The following GAREM1 variants were observed in gnomAD, a reference collection of about 807,000 sequenced individuals.
GAREM1 encodes the protein GRB2 associated regulator of MAPK1 subtype 1.
In GAREM1, 26 loss-of-function variants were observed where a neutral mutation model predicts 71.3. The observed-to-expected ratio is 0.36, with a 90% CI of 0.27 to 0.51. The LOEUF is 0.51. Among genes scored for constraint, GAREM1 ranks in the 20% least tolerant of loss-of-function variants. The probability of loss-of-function intolerance (pLI) is 0.95; values close to 1 mark genes in which losing one functional copy is unlikely to be tolerated. For synonymous variants in GAREM1, 440 were observed against 433.2 expected, an observed-to-expected ratio of 1.02 and a Z score of -0.20; for missense variants, 1,026 against 1,103.1, an observed-to-expected ratio of 0.93 and a Z score of 0.99.
intron 3 of GAREM1, among the ~76,000 whole-genome samples, chr18:32,306,646 A>G (rs1741900797): frequency 6.6e-6 from 1 of 152,180 alleles, no homozygotes; most frequent in Non-Finnish European, 1.5e-5. Context: ...ATGAGCCCCA[A>G]CTAGATACTC....
chr18:32,444,840 A>C (rs1189187387), intron 1 of GAREM1, among the ~76,000 whole-genome samples: 1 of 152,198 alleles, frequency 6.6e-6, no homozygotes, highest in Non-Finnish European at 1.5e-5. Flanking sequence ...CGAACATTTA[A>C]GTGGGTATGA....
Position 32,470,167 on chromosome 18 carries a change from G to C in GAREM1, c.121+141C>G. 1 of 1,082,072 alleles carries C rather than the reference G, an allele frequency of 9.2e-7. No homozygotes were observed. Among genetic ancestry groups the C allele is most frequent in the Non-Finnish European group, 1.2e-6 (1 of 837,390 alleles). 67.0% of individuals were successfully genotyped at this position (1,082,072 alleles called of 1,614,324 possible). On this transcript the variant is annotated intron_variant, in intron 1 of 5. Transcript: ENST00000269209. This position sits in a 1 kb window ranked among gnomAD's most constrained non-coding sequence, Gnocchi z 4.4. ...GTTGAGAGCAACGCGCCAGGGCTGC[G>C]GCAGCCGCTCGGGCCAACTCCGGCG...
At chr18:32,284,273 AT>A (rs2046985579) in intron 4 of GAREM1, among the ~76,000 whole-genome samples, 1 of 152,218 alleles carries the variant, frequency 6.6e-6, no homozygotes, top group Non-Finnish European at 1.5e-5. Flanking sequence ...TTTATAAAAA[AT>A]CTTTAGGTTT....
At chr18:32,305,580 C>T (rs113617543) in intron 3 of GAREM1, among the ~76,000 whole-genome samples, 3 of 152,104 alleles carry the variant, frequency 2.0e-5, no homozygotes, top group Admixed American at 6.6e-5. Flanking sequence ...AGTACAGTGG[C>T]GCGATCTTGG....
At chr18:32,405,847 C>T (rs1288428785) in intron 1 of GAREM1, among the ~76,000 whole-genome samples, 2 of 152,206 alleles carry the variant, frequency 1.3e-5, no homozygotes, top group Non-Finnish European at 2.9e-5. Context: ...AAATCACCTA[C>T]CTATGCCTGG....
At chr18:32,273,885 T>C (rs1384419775) in intron 4 of GAREM1, among the ~76,000 whole-genome samples, 1 of 152,130 alleles carries the variant, frequency 6.6e-6, no homozygotes, top group Non-Finnish European at 1.5e-5. Context: ...GTAAAAGAAT[T>C]AGGTTTACTT....
chr18:32,433,126 G>GTTAA (rs1271689439), intron 1 of GAREM1, among the ~76,000 whole-genome samples: 1 of 150,362 alleles, frequency 6.7e-6, no homozygotes, highest in Non-Finnish European at 1.5e-5. Context: ...TTGAAAATCG[G>GTTAA]TTAATTTAAT....
intron 3 of GAREM1, among the ~76,000 whole-genome samples, chr18:32,289,329 T>TGAAATTAGG (rs1382628669): frequency 6.6e-6 from 1 of 152,100 alleles, no homozygotes; most frequent in Non-Finnish European, 1.5e-5. Context: ...TATCACTTTA[T>TGAAATTAGG]GAAATTATGT....
intron 1 of GAREM1, among the ~76,000 whole-genome samples, chr18:32,398,461 G>T (rs144701541): frequency 3.9e-5 from 6 of 151,928 alleles, no homozygotes; most frequent in Non-Finnish European, 7.4e-5. Context: ...TCAAATAGAC[G>T]CAATAAAAAA....
chr18:32,430,006 T>C (rs1172448558), intron 1 of GAREM1, among the ~76,000 whole-genome samples: 1 of 152,178 alleles, frequency 6.6e-6, no homozygotes, highest in Non-Finnish European at 1.5e-5. Context: ...AAGGACATGA[T>C]ATAACAATTT....
intron 2 of GAREM1, among the ~76,000 whole-genome samples, chr18:32,311,967 G>A (rs1189349192): frequency 6.6e-6 from 1 of 152,214 alleles, no homozygotes; most frequent in East Asian, 1.9e-4. Context: ...GTATGACATG[G>A]CAGGGGCTGG....
chr18:32,282,183 G>T (rs1000894061), intron 4 of GAREM1, among the ~76,000 whole-genome samples: 6 of 152,128 alleles, frequency 3.9e-5, no homozygotes, highest in Non-Finnish European at 1.5e-5. Flanking sequence ...CACAAAGCCT[G>T]TTTGGTGGTC....
At chr18:32,319,130 C>G (rs1162537618) in intron 2 of GAREM1, among the ~76,000 whole-genome samples, 1 of 152,090 alleles carries the variant, frequency 6.6e-6, no homozygotes, top group East Asian at 1.9e-4. Flanking sequence ...AGAGACAGGC[C>G]ACAGACAAAC....
chr18:32,328,604 G>A (rs1444973878), intron 2 of GAREM1, among the ~76,000 whole-genome samples: 5 of 152,166 alleles, frequency 3.3e-5, no homozygotes, highest in Admixed American at 2.0e-4. Flanking sequence ...AATAAATGAC[G>A]TTAGAGAGGG....
At chr18:32,329,125 C>T (rs766742162) in intron 2 of GAREM1, among the ~76,000 whole-genome samples, 20 of 152,160 alleles carry the variant, frequency 1.3e-4, no homozygotes, top group Non-Finnish European at 2.1e-4. Context: ...AATCCCAACA[C>T]TTTGGGAGGC....
At chr18:32,295,550 G>C (rs1202218714) in intron 3 of GAREM1, among the ~76,000 whole-genome samples, 6 of 152,138 alleles carry the variant, frequency 3.9e-5, no homozygotes, top group Non-Finnish European at 7.3e-5. Context: ...TATACTGAGT[G>C]GTGATCATCA....
At chr18:32,451,869 T>C (rs534855596) in intron 1 of GAREM1, among the ~76,000 whole-genome samples, 1 of 152,316 alleles carries the variant, frequency 6.6e-6, no homozygotes, top group South Asian at 2.1e-4. Context: ...GATGAGCCAT[T>C]TGCCTGGATA....
At chr18:32,407,215 T>A (rs970694379) in intron 1 of GAREM1, among the ~76,000 whole-genome samples, 1 of 152,154 alleles carries the variant, frequency 6.6e-6, no homozygotes, top group Non-Finnish European at 1.5e-5. Flanking sequence ...ACAACCACAA[T>A]AGAGAACAAC....
At chr18:32,458,118 C>A (rs2048914841) in intron 1 of GAREM1, among the ~76,000 whole-genome samples, 1 of 152,006 alleles carries the variant, frequency 6.6e-6, no homozygotes, top group Non-Finnish European at 1.5e-5. Context: ...ATCTAATTAC[C>A]CCAAATGTGG....
Sources: allele counts gnomAD v4.1 joint callset (sites outside exome capture counted in the v4.1 genomes callset), GRCh38; gene constraint gnomAD v4.1.1; non-coding constraint Gnocchi (gnomAD v3.1); transcripts MANE v1.5; gene names NCBI Gene and HGNC (gene_info 2026-07-23, HGNC 2026-07-21).